ERC2: variants seen among roughly 807,000 people sequenced by gnomAD.
ERC2 encodes ERC protein 2.
ERC2 carries 42 observed loss-of-function variants against 114.8 expected under a neutral mutation model. The ratio of observed to expected loss-of-function variants is 0.37; its 90% confidence interval spans 0.29 to 0.47. ERC2 has a LOEUF of 0.47. ERC2 is among the 20% of genes least tolerant of loss of function. ERC2 has a pLI of 0.99. For synonymous variants in ERC2, 454 were observed against 425.5 expected (o/e 1.07, Z -0.82); for missense variants, 939 against 1,150.7 (o/e 0.82, Z 2.66).
intron 1 of ERC2, among the ~76,000 whole-genome samples, chr3:56,440,359 C>T (rs949575036): frequency 4.6e-5 from 7 of 152,116 alleles, no homozygotes; most frequent in South Asian, 2.1e-4. Context: ...CTGGCTAACA[C>T]GGTGAAACCC....
chr3:55,819,012 G>A (rs2060010894), intron 14 of ERC2, among the ~76,000 whole-genome samples: 1 of 152,208 alleles, frequency 6.6e-6, no homozygotes, highest in African/African-American at 2.4e-5. Context: ...GCAAGCTAGT[G>A]TGGGTCACTC....
chr3:55,829,713 T>A (rs1379692216), intron 14 of ERC2, among the ~76,000 whole-genome samples: 1 of 152,102 alleles, frequency 6.6e-6, no homozygotes, highest in Non-Finnish European at 1.5e-5. Flanking sequence ...AAAGATGGTG[T>A]CTCACTATAT....
chr3:55,592,288 A>G (rs79894026), intron 17 of ERC2, among the ~76,000 whole-genome samples: 2,581 of 152,338 alleles, frequency 0.017, 76 homozygotes, highest in African/African-American at 0.059. Flanking sequence ...TCATCTGTTG[A>G]AAAGTACCTG....
At chr3:56,147,464 C>T (rs1225059618) in intron 5 of ERC2, among the ~76,000 whole-genome samples, 1 of 152,154 alleles carries the variant, frequency 6.6e-6, no homozygotes, top group Non-Finnish European at 1.5e-5. Flanking sequence ...TGTATACATG[C>T]TTGCATACAC....
In ERC2 at chr3:55,917,631, G is replaced by A. The variant is rs187814216; in HGVS notation, c.2404-29082C>T. On this transcript the variant is annotated intron_variant, in intron 13 of 17. Transcript: ENST00000288221. ...AACAGATTAGTGGTTACTGGAAGCTGGGGTTTGAGGAAGGGCAGGGGGAGT... is the reference window on the plus strand; with the variant it reads ...AACAGATTAGTGGTTACTGGAAGCTAGGGTTTGAGGAAGGGCAGGGGGAGT... Among the ~76,000 whole-genome samples, 577 of 152,262 alleles carry A rather than the reference G, an allele frequency of 3.8e-3. 3 individuals are homozygous for A. The highest frequency in any genetic ancestry group is 0.01 in the Middle Eastern group (3 of 294).
At chr3:56,323,770 A>G (rs942749421) in intron 2 of ERC2, among the ~76,000 whole-genome samples, 1 of 152,324 alleles carries the variant, frequency 6.6e-6, no homozygotes, top group Non-Finnish European at 1.5e-5. Context: ...CTGCAGCAAG[A>G]GTCACAGCCT....
chr3:55,819,371 G>GT (rs1337688765), intron 14 of ERC2, among the ~76,000 whole-genome samples: 1 of 152,146 alleles, frequency 6.6e-6, no homozygotes, highest in East Asian at 1.9e-4. Flanking sequence ...GATAATGATG[G>GT]TTTTTCGCCT....
intron 15 of ERC2, among the ~76,000 whole-genome samples, chr3:55,724,245 C>T (rs2064769165): frequency 6.6e-6 from 1 of 152,162 alleles, no homozygotes; most frequent in African/African-American, 2.4e-5. Flanking sequence ...ATAAGTCGCC[C>T]TTCCCAGCCT....
chr3:56,423,766 C>T (rs190704810), intron 2 of ERC2, among the ~76,000 whole-genome samples: 1 of 152,322 alleles, frequency 6.6e-6, no homozygotes, highest in East Asian at 1.9e-4. Context: ...CCACGCTCTA[C>T]CTAAAAACCT....
rs189218647 is a variant in ERC2, at chr3:55,789,765, T to G, written c.2565-54847A>C. 6.7e-4 allele frequency among the ~76,000 whole-genome samples: 102 copies of G among 152,184 alleles called. 1 individual carries two copies. The Middle Eastern group carries it at 0.031, about 46-fold the overall frequency. On this transcript the variant is annotated intron_variant, in intron 14 of 17. Transcript: ENST00000288221. ...ATGAACTTTCCTATTTAAGCAAACA[T>G]AGAGGGTAATAAGCCTACTGGTGAT...
At chr3:56,307,837 C>G (rs1036402492) in intron 2 of ERC2, among the ~76,000 whole-genome samples, 1 of 144,884 alleles carries the variant, frequency 6.9e-6, no homozygotes, top group African/African-American at 2.6e-5. Context: ...TGCACACACA[C>G]ACACACACAC....
chr3:56,450,663 C>CA (rs1027977885), intron 1 of ERC2, among the ~76,000 whole-genome samples: 1 of 151,924 alleles, frequency 6.6e-6, no homozygotes. Flanking sequence ...CCCATCTCTA[C>CA]AAAAAATTCA....
chr3:55,694,560 T>C (rs1031946915), intron 16 of ERC2, among the ~76,000 whole-genome samples: 2 of 152,162 alleles, frequency 1.3e-5, no homozygotes, highest in Admixed American at 1.3e-4. Flanking sequence ...GTCTCAAAGG[T>C]GGTCAAAATC....
chr3:56,327,207 G>A (rs1256617267), intron 2 of ERC2, among the ~76,000 whole-genome samples: 2 of 152,346 alleles, frequency 1.3e-5, no homozygotes, highest in East Asian at 1.9e-4. Context: ...AGTTTAGCAT[G>A]GCAGGAGAAG....
At chr3:56,139,158 T>C (rs144996472) in intron 6 of ERC2, among the ~76,000 whole-genome samples, 78 of 152,274 alleles carry the variant, frequency 5.1e-4, no homozygotes, top group African/African-American at 1.9e-3. Flanking sequence ...CTCCGAAGTA[T>C]GAAAAAAAGA....
chr3:55,673,829 G>A (rs1243631985), intron 17 of ERC2, among the ~76,000 whole-genome samples: 1 of 93,180 alleles, frequency 1.1e-5, no homozygotes, highest in South Asian at 3.6e-4. Flanking sequence ...TTTTTTTTTA[G>A]TAGAGTGATT....
In ERC2 at chr3:56,397,352, A is replaced by G. The variant is rs1290873497; in HGVS notation, c.657+36999T>C. 1.4e-3 allele frequency among the ~76,000 whole-genome samples: 193 copies of G among 142,706 alleles called. 1 individual carries two copies. Among genetic ancestry groups the G allele is most frequent in the African/African-American group, 4.7e-3 (187 of 39,640 alleles). The allele number at this position is 142,706 out of a possible 152,430, so 93.6% of individuals were successfully genotyped here. Reference sequence around the variant, plus strand: ...CAACAGAGCACATATCTGTCTTAAAAAAAAAAAAAAAAAGAAGAAGAAGAA... The same window carrying G: ...CAACAGAGCACATATCTGTCTTAAAGAAAAAAAAAAAAAGAAGAAGAAGAA... On this transcript the variant is annotated intron_variant, in intron 2 of 17. Transcript: ENST00000288221.
rs1576359588 is a variant in ERC2, at chr3:56,306,348, A to C, written c.658-9913T>G. ...AGTACAGCACTATTCCTAATAGCAAAAACTAGAAATAGTCCATCAACAGGA... is the reference window on the plus strand; with the variant it reads ...AGTACAGCACTATTCCTAATAGCAACAACTAGAAATAGTCCATCAACAGGA... On this transcript the variant is annotated intron_variant, in intron 2 of 17. Transcript: ENST00000288221. 3.3e-5 allele frequency among the ~76,000 whole-genome samples: 5 copies of C among 152,344 alleles called. No homozygotes were observed. In the South Asian group the frequency reaches 1.0e-3, roughly 32 times the overall value.
At chr3:55,863,526 A>T (rs1311398940) in intron 14 of ERC2, among the ~76,000 whole-genome samples, 1 of 152,132 alleles carries the variant, frequency 6.6e-6, no homozygotes, top group Non-Finnish European at 1.5e-5. Flanking sequence ...AAGGAAACTG[A>T]AGCAGAGTTG....
Sources: allele counts gnomAD v4.1 joint callset (sites outside exome capture counted in the v4.1 genomes callset), GRCh38; gene constraint gnomAD v4.1.1; transcripts MANE v1.5; gene names NCBI Gene and HGNC (gene_info 2026-07-23, HGNC 2026-07-21).